SCRG1: variants seen among roughly 807,000 people sequenced by gnomAD.
SCRG1 encodes the protein scrapie-responsive protein 1.
Under a neutral mutation model 7.7 loss-of-function variants are expected in SCRG1, and 3 were observed. The observed-to-expected ratio is 0.39, with a 90% CI of 0.18 to 1.01. The LOEUF (loss-of-function observed/expected upper bound fraction) is 1.01. Among genes scored for constraint, SCRG1 ranks in the 50% least tolerant of loss-of-function variants. The pLI, the probability that SCRG1 is intolerant of heterozygous loss-of-function variation, is 0.36. For missense variants in SCRG1, 110 were observed against 117.2 expected (o/e 0.94, Z 0.28); for synonymous variants, 46 against 41.2 (o/e 1.12, Z -0.44).
the SCRG1 span, among the ~76,000 whole-genome samples, chr4:173,458,242 A>T: frequency 5.3e-4 from 81 of 152,244 alleles, 1 homozygote; most frequent in Non-Finnish European, 1.1e-3. Flanking sequence ...ATTTAAGAGC[A>T]TAAAAATTAG....
chr4:173,396,741 T>TGTGTGTGTGTGTGTGTGTGTGTGTGTGA (rs35823365), intron 1 of SCRG1, among the ~76,000 whole-genome samples: 2 of 145,642 alleles, frequency 1.4e-5, no homozygotes, highest in Admixed American at 6.8e-5. Context: ...TGTGTGTGTG[T>TGTGTGTGTGTGTGTGTGTGTGTGTGTGA]GTGTGTGTAT....
Position 173,386,810 on chromosome 4 carries a change from T to C in SCRG1, c.*1531A>G, listed in dbSNP as rs1425499596. On this transcript the variant is annotated 3_prime_UTR_variant, in exon 3 of 3. Transcript: ENST00000296506. ...ACATTTATAAATAATTACTTGTTTA[T>C]AGCAATCACACCTTTGTTAGAGCAC... The C allele has an allele frequency of 6.6e-6, 1 of 152,242 alleles. No individual in the cohort carries two copies. The highest frequency in any genetic ancestry group is 1.5e-5 in the Non-Finnish European group (1 of 68,030). 9.4% of individuals were successfully genotyped at this position (152,242 alleles called of 1,614,324 possible).
At chr4:173,406,082 T>C (rs559972656) in intron 1 of SCRG1, among the ~76,000 whole-genome samples, 1 of 152,074 alleles carries the variant, frequency 6.6e-6, no homozygotes. Flanking sequence ...TAAACATGAG[T>C]TTATTCTGAT....
chr4:173,425,710 A>G, the SCRG1 span, among the ~76,000 whole-genome samples: 2 of 152,198 alleles, frequency 1.3e-5, no homozygotes, highest in African/African-American at 4.8e-5. Context: ...TCTTTTATCC[A>G]ATAGGAGCCT....
the SCRG1 span, among the ~76,000 whole-genome samples, chr4:173,484,774 A>G: frequency 2.2e-5 from 2 of 90,564 alleles, no homozygotes; most frequent in African/African-American, 9.4e-5. Flanking sequence ...CATATTATAT[A>G]TTATATACAT....
At chr4:173,512,301 C>G in the SCRG1 span, among the ~76,000 whole-genome samples, 3 of 152,236 alleles carry the variant, frequency 2.0e-5, no homozygotes, top group Middle Eastern at 3.4e-3. Flanking sequence ...GCAGTGGGTC[C>G]CTAAGAGGGA....
At chr4:173,496,780 G>A in the SCRG1 span, among the ~76,000 whole-genome samples, 1 of 152,176 alleles carries the variant, frequency 6.6e-6, no homozygotes, top group Non-Finnish European at 1.5e-5. Context: ...TTTAATATAA[G>A]AGGTCCAAAA....
the SCRG1 span, among the ~76,000 whole-genome samples, chr4:173,421,838 A>ATT: frequency 6.6e-6 from 1 of 152,200 alleles, no homozygotes; most frequent in African/African-American, 2.4e-5. Context: ...CCTCTAAAAG[A>ATT]TTATGGAAGT....
At chr4:173,481,555 G>C in the SCRG1 span, among the ~76,000 whole-genome samples, 2 of 152,002 alleles carry the variant, frequency 1.3e-5, no homozygotes, top group Non-Finnish European at 1.5e-5. Flanking sequence ...GTTACATTAA[G>C]TGTGTCTGGC....
At chr4:173,511,831 G>A in the SCRG1 span, among the ~76,000 whole-genome samples, 1 of 152,182 alleles carries the variant, frequency 6.6e-6, no homozygotes, top group Non-Finnish European at 1.5e-5. The surrounding 1 kb of genome is among the most constrained non-coding windows in gnomAD (Gnocchi z 5.2). Flanking sequence ...CAGATGAGGA[G>A]GACATTTTAA....
the SCRG1 span, among the ~76,000 whole-genome samples, chr4:173,424,650 T>G: frequency 2.0e-5 from 3 of 152,118 alleles, no homozygotes; most frequent in Non-Finnish European, 4.4e-5. Flanking sequence ...TGGCTCACGC[T>G]TGTATCCCAG....
the SCRG1 span, among the ~76,000 whole-genome samples, chr4:173,425,362 C>T: frequency 6.6e-6 from 1 of 152,222 alleles, no homozygotes; most frequent in African/African-American, 2.4e-5. Flanking sequence ...AAAAAGATCA[C>T]TGTATGCTTT....
the SCRG1 span, among the ~76,000 whole-genome samples, chr4:173,508,423 C>T: frequency 2.6e-5 from 4 of 152,170 alleles, no homozygotes; most frequent in African/African-American, 9.6e-5. The surrounding 1 kb of genome is among the most constrained non-coding windows in gnomAD (Gnocchi z 4.4). Flanking sequence ...TATGCCCACA[C>T]TTTGACAGTA....
At chr4:173,451,084 G>GA in the SCRG1 span, among the ~76,000 whole-genome samples, 1 of 152,046 alleles carries the variant, frequency 6.6e-6, no homozygotes, top group Admixed American at 6.6e-5. Context: ...GTTTCTCCAA[G>GA]GAATGTCTCT....
chr4:173,414,157 TGAGGGTCAGACCCCG>T, the SCRG1 span, among the ~76,000 whole-genome samples: 3 of 152,208 alleles, frequency 2.0e-5, no homozygotes, highest in African/African-American at 7.2e-5. Flanking sequence ...CCTGCATGGC[TGAGGGTCAGACCCCG>T]GAACACTTTG....
At chr4:173,456,271 T>C in the SCRG1 span, among the ~76,000 whole-genome samples, 1 of 152,200 alleles carries the variant, frequency 6.6e-6, no homozygotes, top group South Asian at 2.1e-4. Context: ...ACAACTTTGA[T>C]TGAAAATATA....
upstream of SCRG1, among the ~76,000 whole-genome samples, chr4:173,399,958 T>TG (rs1413691159): frequency 1.3e-5 from 2 of 152,136 alleles, no homozygotes; most frequent in East Asian, 3.9e-4. Context: ...AGATTATAGG[T>TG]GGTTTCATTT....
the SCRG1 span, among the ~76,000 whole-genome samples, chr4:173,449,583 T>C: frequency 6.6e-6 from 1 of 152,094 alleles, no homozygotes; most frequent in Non-Finnish European, 1.5e-5. Flanking sequence ...GTGGCTTGAA[T>C]AGCTAGAATG....
chr4:173,406,654 C>G (rs1739913744), upstream of SCRG1, among the ~76,000 whole-genome samples: 2 of 152,288 alleles, frequency 1.3e-5, no homozygotes, highest in South Asian at 4.1e-4. Context: ...CCCTGAACTC[C>G]TGGCAGCCAT....
Sources: allele counts gnomAD v4.1 joint callset (sites outside exome capture counted in the v4.1 genomes callset), GRCh38; gene constraint gnomAD v4.1.1; non-coding constraint Gnocchi (gnomAD v3.1); transcripts MANE v1.5; gene names NCBI Gene and HGNC (gene_info 2026-07-23, HGNC 2026-07-21).